The following ZNF804B variants were observed in gnomAD, a reference collection of about 807,000 sequenced individuals.
ZNF804B encodes the protein zinc finger 804B.
In ZNF804B, 80 loss-of-function variants were observed where a neutral mutation model predicts 101.4. That is an observed-to-expected ratio of 0.79 (90% CI 0.66 to 0.95). ZNF804B has a LOEUF of 0.95. Among genes scored for constraint, ZNF804B ranks in the 40% least tolerant of loss-of-function variants. The pLI, the probability that ZNF804B is intolerant of heterozygous loss-of-function variation, is 0.00. For synonymous variants in ZNF804B, 622 were observed against 558.8 expected (o/e 1.11, Z -1.59); for missense variants, 1,673 against 1,561.9 (o/e 1.07, Z -1.20).
intron 1 of ZNF804B, among the ~76,000 whole-genome samples, chr7:89,108,602 G>A (rs1051165768): frequency 3.3e-5 from 5 of 152,152 alleles, no homozygotes; most frequent in South Asian, 2.1e-4. Context: ...AATGCAACAC[G>A]TTTAATGGTC....
intron 1 of ZNF804B, among the ~76,000 whole-genome samples, chr7:89,045,211 T>A (rs944119145): frequency 1.3e-5 from 2 of 152,180 alleles, no homozygotes; most frequent in Non-Finnish European, 2.9e-5. Context: ...AGACAAGAAT[T>A]GATGTTTGGG....
chr7:88,860,955 A>G (rs751566548), intron 1 of ZNF804B, among the ~76,000 whole-genome samples: 12 of 152,152 alleles, frequency 7.9e-5, no homozygotes, highest in Non-Finnish European at 1.2e-4. Flanking sequence ...TATTCCTGGA[A>G]GAAATAAAGT....
At chr7:89,188,525 TAGTC>T (rs756842417) in intron 1 of ZNF804B, among the ~76,000 whole-genome samples, 1 of 152,154 alleles carries the variant, frequency 6.6e-6, no homozygotes, top group African/African-American at 2.4e-5. Context: ...TTATTAAGCT[TAGTC>T]AGGAAGGCAT....
chr7:89,048,114 G>A (rs1002618464), intron 1 of ZNF804B, among the ~76,000 whole-genome samples: 1 of 150,524 alleles, frequency 6.6e-6, no homozygotes, highest in Non-Finnish European at 1.5e-5. Context: ...CTTTCCCCCT[G>A]AGTTCCCAAA....
chr7:89,328,266 G>T (rs889414634), intron 3 of ZNF804B, among the ~76,000 whole-genome samples: 1 of 151,770 alleles, frequency 6.6e-6, no homozygotes, highest in African/African-American at 2.4e-5. Context: ...CAAAATATTA[G>T]ACTTAAAAGG....
chr7:89,003,833 G>GAAAA (rs1428981501), intron 1 of ZNF804B, among the ~76,000 whole-genome samples: 1 of 151,822 alleles, frequency 6.6e-6, no homozygotes, highest in Non-Finnish European at 1.5e-5. Context: ...TCATACAGGT[G>GAAAA]AAAACCCATG....
intron 2 of ZNF804B, among the ~76,000 whole-genome samples, chr7:89,251,285 C>A (rs570898566): frequency 6.6e-6 from 1 of 152,206 alleles, no homozygotes; most frequent in African/African-American, 2.4e-5. Context: ...AACAGCACTT[C>A]TATACACCAA....
intron 1 of ZNF804B, among the ~76,000 whole-genome samples, chr7:88,889,621 C>T (rs776090331): frequency 1.6e-4 from 25 of 152,088 alleles, no homozygotes; most frequent in African/African-American, 6.0e-4. Context: ...TGCCCTTTGC[C>T]CACTTTTTGA....
chr7:89,031,119 T>G (rs1400389016), intron 1 of ZNF804B, among the ~76,000 whole-genome samples: 1 of 151,944 alleles, frequency 6.6e-6, no homozygotes, highest in Admixed American at 6.6e-5. Flanking sequence ...TGTATACTTA[T>G]GTAACAAACC....
chr7:88,922,578 T>C (rs1792734510), intron 1 of ZNF804B, among the ~76,000 whole-genome samples: 1 of 151,612 alleles, frequency 6.6e-6, no homozygotes, highest in South Asian at 2.1e-4. Context: ...ATGGGACTTA[T>C]TTTAATTGTA....
chr7:89,063,339 A>C (rs887323057), intron 1 of ZNF804B, among the ~76,000 whole-genome samples: 4 of 152,194 alleles, frequency 2.6e-5, no homozygotes, highest in Non-Finnish European at 5.9e-5. Context: ...TCTTTAGTCA[A>C]TTAGCTCATA....
At chr7:88,782,376 C>A (rs1357691733) in intron 1 of ZNF804B, among the ~76,000 whole-genome samples, 1 of 152,004 alleles carries the variant, frequency 6.6e-6, no homozygotes, top group African/African-American at 2.4e-5. Context: ...TGATAGTTAA[C>A]CCCCTGGTTC....
intron 1 of ZNF804B, among the ~76,000 whole-genome samples, chr7:89,050,221 G>C (rs781142872): frequency 4.1e-4 from 62 of 152,154 alleles, no homozygotes; most frequent in Non-Finnish European, 7.5e-4. Context: ...ATTACCAAGT[G>C]ACCTAGATAT....
chr7:89,225,705 GT>G (rs1034589713), intron 2 of ZNF804B, among the ~76,000 whole-genome samples: 6 of 152,088 alleles, frequency 3.9e-5, no homozygotes, highest in African/African-American at 1.4e-4. Context: ...TGAACAAAAG[GT>G]GTCATGAAAT....
At chr7:89,001,744 T>C (rs1251399167) in intron 1 of ZNF804B, among the ~76,000 whole-genome samples, 1 of 151,920 alleles carries the variant, frequency 6.6e-6, no homozygotes, top group Non-Finnish European at 1.5e-5. Context: ...ATTAATACAC[T>C]GTTATGTCAG....
chr7:88,930,733 G>A (rs1584023146), intron 1 of ZNF804B, among the ~76,000 whole-genome samples: 1 of 151,890 alleles, frequency 6.6e-6, no homozygotes, highest in African/African-American at 2.4e-5. Flanking sequence ...GTTCACCAGG[G>A]AAAGGAAAAC....
chr7:89,121,023 G>A (rs892629643), intron 1 of ZNF804B, among the ~76,000 whole-genome samples: 1 of 152,160 alleles, frequency 6.6e-6, no homozygotes, highest in Non-Finnish European at 1.5e-5. Flanking sequence ...CATAAAATGT[G>A]CTCCTTATTT....
At chr7:89,261,595 G>A (rs559517460) in intron 2 of ZNF804B, among the ~76,000 whole-genome samples, 1 of 151,986 alleles carries the variant, frequency 6.6e-6, no homozygotes, top group Admixed American at 6.6e-5. Context: ...ATCATTGTGG[G>A]AACACCAAAA....
chr7:89,195,507 CAA>C (rs1788532494), intron 1 of ZNF804B, among the ~76,000 whole-genome samples: 1 of 148,520 alleles, frequency 6.7e-6, no homozygotes, highest in Non-Finnish European at 1.5e-5. Context: ...GATACAAAAT[CAA>C]TGTACAAAAA....
Sources: allele counts gnomAD v4.1 joint callset (sites outside exome capture counted in the v4.1 genomes callset), GRCh38; gene constraint gnomAD v4.1.1; transcripts MANE v1.5; gene names NCBI Gene and HGNC (gene_info 2026-07-23, HGNC 2026-07-21).